CADPS: variants seen among roughly 807,000 people sequenced by gnomAD.
CADPS encodes calcium dependent secretion activator.
In CADPS, 57 loss-of-function variants were observed where a neutral mutation model predicts 167.3. The ratio of observed to expected loss-of-function variants is 0.34; its 90% CI spans 0.28 to 0.42. CADPS has a LOEUF of 0.42. CADPS is among the 20% of genes least tolerant of loss of function. The probability of loss-of-function intolerance (pLI) is 1.00; values close to 1 mark genes in which losing one functional copy is unlikely to be tolerated. For synonymous variants in CADPS, 676 were observed against 635.3 expected (o/e 1.06, Z -0.96); for missense variants, 1,414 against 1,738.1 (o/e 0.81, Z 3.32).
intron 6 of CADPS, among the ~76,000 whole-genome samples, chr3:62,607,658 C>T (rs928297259): frequency 1.3e-5 from 2 of 152,240 alleles, no homozygotes; most frequent in African/African-American, 4.8e-5. Context: ...TGAGACCTCC[C>T]GGTTGCCTTT....
At chr3:62,738,975 T>G (rs1290893232) in intron 3 of CADPS, among the ~76,000 whole-genome samples, 3 of 152,204 alleles carry the variant, frequency 2.0e-5, no homozygotes, top group African/African-American at 7.2e-5. Context: ...GAAATTATGG[T>G]AGATTCAAAA....
At chr3:62,843,887 C>T (rs1465345023) in intron 1 of CADPS, among the ~76,000 whole-genome samples, 1 of 151,692 alleles carries the variant, frequency 6.6e-6, no homozygotes, top group Non-Finnish European at 1.5e-5. Context: ...CATTAGAAAG[C>T]AATTAAAAGA....
chr3:62,508,806 A>T (rs543270291), intron 17 of CADPS, among the ~76,000 whole-genome samples: 2 of 152,240 alleles, frequency 1.3e-5, no homozygotes, highest in East Asian at 3.9e-4. Context: ...TTTTTTTCTG[A>T]TAGAAGAGAG....
chr3:62,704,024 C>T (rs192019565), intron 3 of CADPS, among the ~76,000 whole-genome samples: 43 of 152,176 alleles, frequency 2.8e-4, no homozygotes, highest in Admixed American at 2.6e-3. Flanking sequence ...TCCTTCCTAC[C>T]ACCAGGGATA....
At chr3:62,624,556 A>G (rs1419138093) in intron 6 of CADPS, among the ~76,000 whole-genome samples, 3 of 152,262 alleles carry the variant, frequency 2.0e-5, no homozygotes, top group Admixed American at 6.5e-5. Context: ...TGGAAAAAAA[A>G]AAATCTCTGG....
chr3:62,844,111 G>C (rs1467613770), intron 1 of CADPS, among the ~76,000 whole-genome samples: 1 of 152,136 alleles, frequency 6.6e-6, no homozygotes, highest in Non-Finnish European at 1.5e-5. Flanking sequence ...CTTTTGTTGA[G>C]CCTCTACCAC....
intron 1 of CADPS, among the ~76,000 whole-genome samples, chr3:62,864,355 G>C (rs146937863): frequency 0.023 from 3,495 of 152,316 alleles, 73 homozygotes; most frequent in South Asian, 0.075. Flanking sequence ...TGCTGAGACA[G>C]ATGGTATGGA....
intron 17 of CADPS, among the ~76,000 whole-genome samples, chr3:62,507,429 G>T (rs1396414154): frequency 6.7e-6 from 1 of 149,780 alleles, no homozygotes; most frequent in African/African-American, 2.5e-5. Context: ...TTTTTGGTAA[G>T]CTCAACAAGG....
chr3:62,825,124 T>C (rs1457145814), intron 1 of CADPS, among the ~76,000 whole-genome samples: 1 of 152,206 alleles, frequency 6.6e-6, no homozygotes, highest in African/African-American at 2.4e-5. Context: ...CTACATTGCT[T>C]GTTTAGACAT....
Position 62,874,812 on chromosome 3 carries a change from CCGCCGCTGCTCG to C in CADPS, c.206_217del (p.Ala69_Gly72del), listed in dbSNP as rs966839176. ...GCTGGGTTGCAGCCCCCCGGCCCCG[CCGCCGCTGCTCG>C]CGCCGCTGCCCCCGCCGCCGCCTGC... is the stretch of plus-strand genomic sequence containing the variant. On this transcript the variant is annotated inframe_deletion, in exon 1 of 30. Transcript: ENST00000383710. This position sits in a 1 kb window ranked among gnomAD's most constrained non-coding sequence, Gnocchi z 7.1. The C allele has an allele frequency of 6.2e-6, 7 of 1,133,304 alleles. No homozygotes were observed. The highest frequency in any genetic ancestry group is 3.3e-5 in the African/African-American group (2 of 60,310). 70.2% of individuals were successfully genotyped at this position (1,133,304 alleles called of 1,614,324 possible).
intron 3 of CADPS, among the ~76,000 whole-genome samples, chr3:62,708,986 A>C (rs1006050126): frequency 9.2e-5 from 14 of 152,060 alleles, no homozygotes; most frequent in African/African-American, 2.9e-4. Context: ...ATGTGAAAAA[A>C]TGAGCTCCCA....
intron 28 of CADPS, among the ~76,000 whole-genome samples, chr3:62,422,738 G>A (rs532052091): frequency 2.0e-5 from 3 of 152,210 alleles, no homozygotes; most frequent in East Asian, 1.9e-4. Flanking sequence ...TATAACTGTC[G>A]ATTACTCACC....
intron 4 of CADPS, among the ~76,000 whole-genome samples, chr3:62,661,639 T>C (rs1018467135): frequency 6.6e-6 from 1 of 152,102 alleles, no homozygotes; most frequent in Non-Finnish European, 1.5e-5. Context: ...AGGCTCTGTT[T>C]TGAGATGTTT....
At chr3:62,485,869 A>T (rs1036609673) in intron 21 of CADPS, among the ~76,000 whole-genome samples, 1 of 152,192 alleles carries the variant, frequency 6.6e-6, no homozygotes, top group Non-Finnish European at 1.5e-5. Context: ...CTTGTTTGAC[A>T]AGGTAGGATA....
chr3:62,620,436 T>C (rs2062999014), intron 6 of CADPS, among the ~76,000 whole-genome samples: 1 of 152,272 alleles, frequency 6.6e-6, no homozygotes, highest in Non-Finnish European at 1.5e-5. Flanking sequence ...CAAGCAACAA[T>C]GAAAACAATA....
chr3:62,494,587 C>T (rs28491294), intron 18 of CADPS, among the ~76,000 whole-genome samples: 1 of 151,104 alleles, frequency 6.6e-6, no homozygotes, highest in Non-Finnish European at 1.5e-5. Flanking sequence ...AAAAACAAAA[C>T]AAAACAAAAC....
At chr3:62,410,791 C>T (rs2048814963) in intron 28 of CADPS, among the ~76,000 whole-genome samples, 1 of 152,164 alleles carries the variant, frequency 6.6e-6, no homozygotes, top group South Asian at 2.1e-4. Flanking sequence ...GTGAACTACT[C>T]AGGGTTGTAC....
At chr3:62,865,105 C>G (rs2081443598) in intron 1 of CADPS, among the ~76,000 whole-genome samples, 2 of 152,110 alleles carry the variant, frequency 1.3e-5, no homozygotes, top group African/African-American at 2.4e-5. Context: ...CTATACTTGT[C>G]AGAAAAATCG....
chr3:62,402,327 A>T (rs930736256), intron 29 of CADPS, among the ~76,000 whole-genome samples: 8 of 152,084 alleles, frequency 5.3e-5, no homozygotes, highest in African/African-American at 1.9e-4. Flanking sequence ...TATTGTTAAA[A>T]TATTTTAAAG....
Sources: allele counts gnomAD v4.1 joint callset (sites outside exome capture counted in the v4.1 genomes callset), GRCh38; gene constraint gnomAD v4.1.1; non-coding constraint Gnocchi (gnomAD v3.1); transcripts MANE v1.5; gene names NCBI Gene and HGNC (gene_info 2026-07-23, HGNC 2026-07-21).